Variants in AKAP12 observed in about 807,000 individuals in gnomAD.
The protein encoded by AKAP12 is A-kinase anchor protein 12.
AKAP12 carries 32 observed loss-of-function variants against 79.9 expected under a neutral mutation model. The ratio of observed to expected loss-of-function variants is 0.40; its 90% CI spans 0.30 to 0.54. AKAP12 has a LOEUF of 0.54. Among genes scored for constraint, AKAP12 ranks in the 20% least tolerant of loss-of-function variants. The pLI is 0.48. For missense variants in AKAP12, 2,074 were observed against 2,177.0 expected, an observed-to-expected ratio of 0.95 and a Z score of 0.94; for synonymous variants, 808 against 857.0, an observed-to-expected ratio of 0.94 and a Z score of 1.00.
At chr6:151,319,439 G>GTCTA (rs1315009246) in intron 3 of AKAP12, among the ~76,000 whole-genome samples, 2 of 112,084 alleles carry the variant, frequency 1.8e-5, no homozygotes, top group Non-Finnish European at 3.7e-5. Context: ...AAAGACAGGT[G>GTCTA]TCTGTCTATC....
intron 2 of AKAP12, among the ~76,000 whole-genome samples, chr6:151,291,450 T>A (rs777781237): frequency 1.3e-5 from 2 of 152,144 alleles, no homozygotes; most frequent in African/African-American, 4.8e-5. Context: ...CATTACCAGC[T>A]AAGAAGGGGT....
chr6:151,261,421 T>C (rs1797431117), intron 2 of AKAP12, among the ~76,000 whole-genome samples: 1 of 151,742 alleles, frequency 6.6e-6, no homozygotes, highest in East Asian at 1.9e-4. Context: ...CTGGGCACAG[T>C]GGCTCACTCC....
Position 151,240,489 on chromosome 6 carries a change from G to A in AKAP12, c.-74G>A. 1 of 1,329,210 alleles carries A rather than the reference G, an allele frequency of 7.5e-7. No individual in the cohort carries two copies. Among genetic ancestry groups the A allele is most frequent in the Non-Finnish European group, 9.6e-7 (1 of 1,041,360 alleles). The allele number at this position is 1,329,210 out of a possible 1,614,324, so 82.3% of individuals were successfully genotyped here. A position where few individuals can be genotyped will look rare whatever the true frequency, so the allele number is the denominator to read the frequency against. On this transcript the variant is annotated 5_prime_UTR_variant, in exon 2 of 5. Transcript: ENST00000402676. ...GGACCTCGCGGGCGCGCGTCTTTTG[G>A]CTCTTGCCCCTGTCCCTGCGGCTTG...
chr6:151,262,247 G>A (rs965736068), intron 2 of AKAP12, among the ~76,000 whole-genome samples: 3 of 152,148 alleles, frequency 2.0e-5, no homozygotes, highest in African/African-American at 7.2e-5. Context: ...GAGCCACTGC[G>A]CCCGGCCCAA....
chr6:151,266,296 A>T (rs541435812), intron 2 of AKAP12, among the ~76,000 whole-genome samples: 7 of 152,310 alleles, frequency 4.6e-5, no homozygotes, highest in African/African-American at 1.7e-4. Context: ...TCTTTACTTC[A>T]ATTATCTTCT....
chr6:151,350,691 C>T lies in AKAP12; in HGVS notation c.2300C>T (p.Thr767Met), dbSNP rs183298841. ...STWESFKRLV[T>M]PRKKSKSKLE... ...TGGGAGTCATTTAAAAGGTTAGTCA[C>T]GCCAAGAAAAAAATCAAAGTCCAAG... Residue 767 changes from threonine (T) to methionine (M), a missense_variant, in exon 4 of 5, where the codon ACG (threonine) becomes ATG (methionine). By Grantham distance (81) the Thr-to-Met change is moderately conservative (BLOSUM62 -1). This residue lies in a region of AKAP12 where 1,428 missense variants were observed against 1,451.0 expected (regional missense o/e 0.98). Transcript: ENST00000402676. The surrounding 1 kb of genome is among the most constrained non-coding windows in gnomAD (Gnocchi z 4.8). The T allele has an allele frequency of 6.3e-4, 1,012 of 1,613,592 alleles. 13 individuals are homozygous for T. The highest frequency in any genetic ancestry group is 5.8e-5 in the Non-Finnish European group (68 of 1,179,914).
chr6:151,286,990 G>A (rs1304808800), intron 2 of AKAP12, among the ~76,000 whole-genome samples: 1 of 151,658 alleles, frequency 6.6e-6, no homozygotes, highest in Admixed American at 6.6e-5. Context: ...CCAGGCTGGA[G>A]TGCAGTGGCG....
chr6:151,300,866 C>A (rs1187941876), intron 2 of AKAP12, among the ~76,000 whole-genome samples: 1 of 151,988 alleles, frequency 6.6e-6, no homozygotes, highest in Non-Finnish European at 1.5e-5. Context: ...TTTTGAAGCA[C>A]AAATCCAGTG....
Position 151,320,461 on chromosome 6 carries a change from C to T in AKAP12, c.319+14558C>T, listed in dbSNP as rs182039015. Among the ~76,000 whole-genome samples, 3 of 152,094 alleles carry T rather than the reference C, an allele frequency of 2.0e-5. No individual in the cohort carries two copies. In the South Asian group the frequency reaches 6.2e-4, roughly 32 times the overall value. ...GCTGTCACACTGTGGACCACTGTTT[C>T]CATGTTTTAATCCTCTCCACATGTG... is the stretch of plus-strand genomic sequence containing the variant. On this transcript the variant is annotated intron_variant, in intron 3 of 4. Coordinates refer to ENST00000402676, the MANE Select transcript of AKAP12 (RefSeq NM_005100.4).
At chr6:151,343,075 T>C (rs1023514594) in intron 3 of AKAP12, among the ~76,000 whole-genome samples, 40 of 152,184 alleles carry the variant, frequency 2.6e-4, no homozygotes, top group Non-Finnish European at 4.4e-5. Flanking sequence ...ATAGCTGTTT[T>C]GTTCTGCCTG....
chr6:151,245,091 T>G lies in AKAP12; in HGVS notation c.162+4367T>G, dbSNP rs140063247. Among the ~76,000 whole-genome samples, 8 of 152,308 alleles carry G rather than the reference T, an allele frequency of 5.3e-5. No homozygotes were observed. The East Asian group carries it at 1.5e-3, about 29-fold the overall frequency. Reference sequence around the variant, plus strand: ...GATAATTAACAAAATGGAAATAAAATGTTTTGTTTTTAAAAATGCTAATAA... The same window carrying G: ...GATAATTAACAAAATGGAAATAAAAGGTTTTGTTTTTAAAAATGCTAATAA... On this transcript the variant is annotated intron_variant, in intron 2 of 4. Transcript: ENST00000402676.
At chr6:151,304,390 G>A (rs1296203068) in intron 2 of AKAP12, among the ~76,000 whole-genome samples, 2 of 147,120 alleles carry the variant, frequency 1.4e-5, no homozygotes, top group Non-Finnish European at 1.5e-5. Context: ...GTGGGAGGCT[G>A]AGGCAGGAAG....
At chr6:151,333,343 C>G (rs1056921983) in intron 3 of AKAP12, among the ~76,000 whole-genome samples, 4 of 152,200 alleles carry the variant, frequency 2.6e-5, no homozygotes, top group African/African-American at 9.6e-5. Context: ...CCTCTCCTGC[C>G]TGCCGCCCCC....
At chr6:151,306,672 C>T (rs1326842906) in intron 3 of AKAP12, among the ~76,000 whole-genome samples, 1 of 152,180 alleles carries the variant, frequency 6.6e-6, no homozygotes, top group Admixed American at 6.5e-5. Context: ...AACATCGCCT[C>T]ACTTAGATGA....
intron 3 of AKAP12, among the ~76,000 whole-genome samples, chr6:151,330,475 G>A (rs1034359126): frequency 1.3e-5 from 2 of 152,148 alleles, no homozygotes; most frequent in Admixed American, 1.3e-4. Context: ...AGAATTCCTG[G>A]AAAAATTCCA....
Position 151,350,795 on chromosome 6 carries a change from G to T in AKAP12, c.2404G>T (p.Glu802Ter). Residue 802 changes from glutamate (E) to a stop codon, truncating the protein, a stop_gained, in exon 4 of 5, where the codon GAA becomes TAA. Transcript: ENST00000402676. LOFTEE classifies it high-confidence loss of function. This position sits in a 1 kb window ranked among gnomAD's most constrained non-coding sequence, Gnocchi z 4.8. The part of the protein sequence containing the change: ...STPDTEPGKE[E>*]SWVSIKKFIP... ...TCCAGACACTGAACCCGGTAAAGAA[G>T]AATCCTGGGTCTCAATCAAGAAGTT... is the stretch of plus-strand genomic sequence containing the variant. 1 of 1,614,038 alleles carries T rather than the reference G, an allele frequency of 6.2e-7. No homozygotes were observed. The highest frequency in any genetic ancestry group is 8.5e-7 in the Non-Finnish European group (1 of 1,179,958).
rs746340831 is a variant in AKAP12 at position 151,326,489 on chromosome 6, TAAAAA to T, written c.319+20599_319+20603del. ...GCAACACTATTTAGGCAACAAATAG[TAAAAA>T]AAAAAAAAAAAAGAAAAAAAGAAAA... On this transcript the variant is annotated intron_variant, in intron 3 of 4. Transcript: ENST00000402676. 2.1e-4 allele frequency among the ~76,000 whole-genome samples: 17 copies of T among 80,326 alleles called. 1 individual carries two copies. The highest frequency in any genetic ancestry group is 1.6e-3 in the Admixed American group (12 of 7,670). 52.7% of individuals were successfully genotyped at this position (80,326 alleles called of 152,430 possible). A position where few individuals can be genotyped will look rare whatever the true frequency, so the allele number is the denominator to read the frequency against.
chr6:151,298,560 A>G (rs1460454490), intron 2 of AKAP12, among the ~76,000 whole-genome samples: 1 of 152,144 alleles, frequency 6.6e-6, no homozygotes, highest in Admixed American at 6.5e-5. Flanking sequence ...TTGGGAAGCC[A>G]ATGCGGGTGG....
intron 3 of AKAP12, among the ~76,000 whole-genome samples, chr6:151,312,543 A>G (rs1213473978): frequency 4.1e-5 from 6 of 146,854 alleles, no homozygotes; most frequent in South Asian, 2.2e-4. Context: ...TGTAATCCCC[A>G]CACTTTGGGA....
Sources: gnomAD v4.1 joint callset for allele counts (sites outside exome capture counted in the v4.1 genomes callset) on GRCh38, gnomAD v4.1.1 for gene constraint, gnomAD v4.1.1 regional missense constraint, Gnocchi (gnomAD v3.1) non-coding constraint, MANE v1.5 for transcripts, NCBI Gene and HGNC (gene_info 2026-07-23, HGNC 2026-07-21) for gene names.